NRXN3: variants seen among roughly 807,000 people sequenced by gnomAD.
NRXN3 encodes the protein neurexin 3.
In NRXN3, 32 loss-of-function variants were observed where a neutral mutation model predicts 137.6. The observed-to-expected ratio is 0.23, with a 90% confidence interval of 0.18 to 0.31. The LOEUF (loss-of-function observed/expected upper bound fraction) is 0.31. Among genes scored for constraint, NRXN3 ranks in the 10% least tolerant of loss-of-function variants. NRXN3 has a pLI of 1.00. For missense variants in NRXN3, 1,574 were observed against 2,062.5 expected, an observed-to-expected ratio of 0.76 and a Z score of 4.59; for synonymous variants, 798 against 784.5, an observed-to-expected ratio of 1.02 and a Z score of -0.29.
chr14:79,369,200 A>G (rs1566932478), intron 15 of NRXN3, among the ~76,000 whole-genome samples: 1 of 152,202 alleles, frequency 6.6e-6, no homozygotes, highest in Non-Finnish European at 1.5e-5. Context: ...CAATGGAACA[A>G]GCCTGGAGGC....
intron 15 of NRXN3, among the ~76,000 whole-genome samples, chr14:79,018,280 AAAAAAAAAAAAAAAAAGAG>A (rs2099582929): frequency 1.6e-5 from 1 of 62,830 alleles, no homozygotes; most frequent in Admixed American, 2.6e-4. Context: ...AAAAAAAAAA[AAAAAAAAAAAAAAAAAGAG>A]AGAGAGCAAG....
chr14:78,565,864 T>G (rs928989141), intron 4 of NRXN3, among the ~76,000 whole-genome samples: 4 of 152,278 alleles, frequency 2.6e-5, no homozygotes, highest in South Asian at 4.1e-4. Context: ...GGAAAAAGTA[T>G]TATAGCCTAG....
intron 4 of NRXN3, among the ~76,000 whole-genome samples, chr14:78,312,600 TGA>T (rs1156625026): frequency 2.0e-5 from 3 of 151,634 alleles, no homozygotes; most frequent in Non-Finnish European, 4.4e-5. Context: ...TTTTTTCAAG[TGA>T]GAGTGTATTT....
chr14:78,299,591 T>G (rs1029452214), intron 4 of NRXN3, among the ~76,000 whole-genome samples: 74 of 152,222 alleles, frequency 4.9e-4, no homozygotes, highest in African/African-American at 1.6e-3. Flanking sequence ...GTGCATCACA[T>G]CATAGGGCAG....
chr14:78,606,667 T>A (rs959970047), intron 4 of NRXN3, among the ~76,000 whole-genome samples: 1 of 152,222 alleles, frequency 6.6e-6, no homozygotes, highest in Non-Finnish European at 1.5e-5. Flanking sequence ...GACTAAAATA[T>A]GCTGCTAGTT....
intron 15 of NRXN3, among the ~76,000 whole-genome samples, chr14:79,242,017 A>G (rs2074387874): frequency 6.6e-6 from 1 of 152,088 alleles, no homozygotes; most frequent in Admixed American, 6.6e-5. Context: ...CAGTGAGCAG[A>G]GATCACGCCA....
chr14:79,181,143 A>C (rs1699042922), intron 15 of NRXN3, among the ~76,000 whole-genome samples: 1 of 151,848 alleles, frequency 6.6e-6, no homozygotes, highest in African/African-American at 2.4e-5. Flanking sequence ...TTGGTCTATA[A>C]AGATTCTAAA....
intron 8 of NRXN3, among the ~76,000 whole-genome samples, chr14:78,753,479 A>G (rs972424970): frequency 6.6e-6 from 1 of 152,162 alleles, no homozygotes; most frequent in Non-Finnish European, 1.5e-5. Flanking sequence ...AAGAGCTTTT[A>G]AGAAAATTAA....
intron 8 of NRXN3, chr14:78,744,358 AC>A (rs2098597172): frequency 6.6e-6 from 1 of 152,136 alleles, no homozygotes; most frequent in Non-Finnish European, 1.5e-5. Context: ...TGAATTCCTG[AC>A]CTAAGGCGAT....
intron 4 of NRXN3, among the ~76,000 whole-genome samples, chr14:78,320,417 G>T (rs1169361249): frequency 6.6e-6 from 1 of 152,136 alleles, no homozygotes; most frequent in Non-Finnish European, 1.5e-5. Flanking sequence ...GGAGCCTCTG[G>T]GTCGGGCTTG....
chr14:78,711,651 G>A (rs1482565540), intron 7 of NRXN3, among the ~76,000 whole-genome samples: 1 of 151,922 alleles, frequency 6.6e-6, no homozygotes, highest in Non-Finnish European at 1.5e-5. Flanking sequence ...ATGTTGGCCA[G>A]GCCAATCTCG....
At chr14:78,221,153 A>G (rs753851141) in intron 1 of NRXN3, among the ~76,000 whole-genome samples, 1 of 152,074 alleles carries the variant, frequency 6.6e-6, no homozygotes, top group Non-Finnish European at 1.5e-5. Context: ...GGATGAGGTA[A>G]TGATTGACTA....
chr14:79,165,683 C>G (rs895627053), intron 15 of NRXN3, among the ~76,000 whole-genome samples: 1 of 152,008 alleles, frequency 6.6e-6, no homozygotes, highest in East Asian at 1.9e-4. Flanking sequence ...AGTCATTAGA[C>G]TGCACATGAC....
intron 1 of NRXN3, among the ~76,000 whole-genome samples, chr14:78,235,155 A>T (rs1341802357): frequency 4.0e-5 from 6 of 151,376 alleles, no homozygotes; most frequent in African/African-American, 1.5e-4. Flanking sequence ...ATCAAGTTGC[A>T]TTCCTTTCCA....
chr14:79,556,048 G>C (rs1467029104), intron 16 of NRXN3, among the ~76,000 whole-genome samples: 4 of 152,086 alleles, frequency 2.6e-5, no homozygotes, highest in Non-Finnish European at 4.4e-5. Flanking sequence ...TCAGCAACAG[G>C]GTGTGAGTGG....
rs112813337 is a variant in NRXN3, at chr14:78,729,037, G to A, written c.2044+13898G>A. 2.6e-5 allele frequency among the ~76,000 whole-genome samples: 4 copies of A among 152,356 alleles called. No individual in the cohort carries two copies. The South Asian group carries it at 6.2e-4, about 24-fold the overall frequency. On this transcript the variant is annotated intron_variant, in intron 8 of 20. Coordinates refer to ENST00000335750, the MANE Select transcript of NRXN3 (RefSeq NM_001330195.2). ...TCCATCAAAAAGCCATTCTGGGGTT[G>A]TTATGATGCTTCAATAACATAATTG...
At chr14:78,195,112 T>TAAGAAAA (rs2061110869) in intron 1 of NRXN3, among the ~76,000 whole-genome samples, 1 of 145,924 alleles carries the variant, frequency 6.9e-6, no homozygotes, top group African/African-American at 2.6e-5. Flanking sequence ...TTAATTTAAG[T>TAAGAAAA]AAGTTTTAAA....
intron 8 of NRXN3, 70 bp from the exon 9 acceptor site, chr14:78,803,550 G>A: frequency 6.9e-7 from 1 of 1,455,932 alleles, no homozygotes. Flanking sequence ...CGCTTAGCCT[G>A]AAAGCAAAGG....
chr14:78,500,852 G>A (rs2095865062), intron 4 of NRXN3, among the ~76,000 whole-genome samples: 1 of 152,114 alleles, frequency 6.6e-6, no homozygotes, highest in Admixed American at 6.5e-5. Flanking sequence ...ACTGTGCTAG[G>A]TGATGGGGTT....
Sources: gnomAD v4.1 joint callset for allele counts (sites outside exome capture counted in the v4.1 genomes callset) on GRCh38, gnomAD v4.1.1 for gene constraint, MANE v1.5 for transcripts, NCBI Gene and HGNC (gene_info 2026-07-23, HGNC 2026-07-21) for gene names.